Variants in FIP1L1 observed in about 807,000 individuals in gnomAD.
FIP1L1 encodes the protein pre-mRNA 3'-end-processing factor FIP1.
A neutral mutation model predicts 84.6 loss-of-function variants in FIP1L1; 21 were observed. That is an observed-to-expected ratio of 0.25 (90% CI 0.18 to 0.36). FIP1L1 has a LOEUF of 0.36. FIP1L1 is among the 10% of genes least tolerant of loss of function. The pLI is 1.00. For synonymous variants in FIP1L1, 263 were observed against 242.3 expected (o/e 1.09, Z -0.80); for missense variants, 526 against 751.1 (o/e 0.70, Z 3.50).
At chr4:53,445,334 G>A (rs531012722) in intron 15 of FIP1L1, among the ~76,000 whole-genome samples, 111 of 152,274 alleles carry the variant, frequency 7.3e-4, no homozygotes, top group South Asian at 3.5e-3. Context: ...ACAGCAATAA[G>A]AAGTTGTGGA....
chr4:53,395,677 C>T (rs1282208706), intron 9 of FIP1L1, among the ~76,000 whole-genome samples: 2 of 152,208 alleles, frequency 1.3e-5, no homozygotes, highest in East Asian at 3.9e-4. Context: ...TTATTGAGTA[C>T]TTATTGCATG....
intron 5 of FIP1L1, among the ~76,000 whole-genome samples, chr4:53,384,191 C>T (rs1258907701): frequency 6.6e-6 from 1 of 152,036 alleles, no homozygotes; most frequent in Non-Finnish European, 1.5e-5. Flanking sequence ...GGTGAATCAC[C>T]TGAGGTCAGG....
chr4:53,447,110 T>C (rs1255102726), intron 15 of FIP1L1, among the ~76,000 whole-genome samples: 1 of 152,108 alleles, frequency 6.6e-6, no homozygotes. Flanking sequence ...ATTTCTGTTT[T>C]ACCTTTGTTT....
chr4:53,443,374 T>C (rs549867548), intron 14 of FIP1L1, among the ~76,000 whole-genome samples: 1,109 of 34,470 alleles, frequency 0.032, 13 homozygotes, highest in African/African-American at 0.053. Flanking sequence ...GGCTACTGAA[T>C]ATAAAGTGCA....
chr4:53,432,787 G>C (rs1767355019), intron 13 of FIP1L1, among the ~76,000 whole-genome samples: 1 of 152,052 alleles, frequency 6.6e-6, no homozygotes, highest in Non-Finnish European at 1.5e-5. Context: ...TTGAAAGCCT[G>C]TTTTCTTTAT....
intron 5 of FIP1L1, among the ~76,000 whole-genome samples, chr4:53,389,026 A>G (rs1045016495): frequency 1.3e-5 from 2 of 152,232 alleles, no homozygotes; most frequent in African/African-American, 4.8e-5. Flanking sequence ...TCAAATATAT[A>G]CATTCATGTA....
At chr4:53,443,157 T>C (rs1173824973) in intron 14 of FIP1L1, among the ~76,000 whole-genome samples, 2 of 152,130 alleles carry the variant, frequency 1.3e-5, no homozygotes, top group South Asian at 2.1e-4. Context: ...AGATCCATTC[T>C]GTGTGGCAGT....
chr4:53,410,001 C>G (rs1279412067), intron 10 of FIP1L1, among the ~76,000 whole-genome samples: 2 of 152,250 alleles, frequency 1.3e-5, no homozygotes, highest in Non-Finnish European at 2.9e-5. Flanking sequence ...CACCCACTGT[C>G]CTGCGCCCAC....
intron 11 of FIP1L1, among the ~76,000 whole-genome samples, chr4:53,418,811 A>G (rs1209162424): frequency 1.3e-5 from 2 of 152,200 alleles, no homozygotes; most frequent in Non-Finnish European, 2.9e-5. Flanking sequence ...TATTTCTTCT[A>G]TTAAACACAA....
chr4:53,418,716 A>G (rs1229090753), intron 11 of FIP1L1, among the ~76,000 whole-genome samples: 1 of 152,210 alleles, frequency 6.6e-6, no homozygotes, highest in African/African-American at 2.4e-5. Context: ...CTATATTACA[A>G]TGCTTTTTAA....
intron 5 of FIP1L1, among the ~76,000 whole-genome samples, chr4:53,387,807 C>T (rs1321827222): frequency 6.6e-6 from 1 of 152,132 alleles, no homozygotes; most frequent in African/African-American, 2.4e-5. Flanking sequence ...AAATCATGTA[C>T]ATCATATGTA....
intron 10 of FIP1L1, among the ~76,000 whole-genome samples, chr4:53,408,579 C>G (rs1260780304): frequency 6.6e-6 from 1 of 152,164 alleles, no homozygotes; most frequent in African/African-American, 2.4e-5. Context: ...GGATAATATC[C>G]TGCAGAGTAT....
Position 53,453,106 on chromosome 4 carries a change from A to C in FIP1L1, c.1472A>C (p.His491Pro). The change falls in exon 16 of 18, where the codon CAC (histidine) becomes CCC (proline). Residue 491 changes from histidine (H) to proline (P), a missense_variant. Physicochemically the swap from His to Pro is moderately conservative, Grantham distance 77 (BLOSUM62 -2). This residue lies in a region of FIP1L1 where 89 missense variants were observed against 169.0 expected (regional missense o/e 0.53). Coordinates refer to ENST00000337488, the MANE Select transcript of FIP1L1 (RefSeq NM_030917.4). ...AGAGAGAGAGAGAGGGAGCGTGATCACAGTCCTACACCAAGTGTTTTCAAC... is the reference window on the plus strand; with the variant it reads ...AGAGAGAGAGAGAGGGAGCGTGATCCCAGTCCTACACCAAGTGTTTTCAAC... ...RTRERERERDHSPTPSVFNSD... is the reference protein window; with the variant it reads ...RTRERERERDPSPTPSVFNSD... 1 of 1,614,064 alleles carries C rather than the reference A, an allele frequency of 6.2e-7. No homozygotes were observed. The highest frequency in any genetic ancestry group is 8.5e-7 in the Non-Finnish European group (1 of 1,179,970).
intron 5 of FIP1L1, among the ~76,000 whole-genome samples, chr4:53,388,020 A>G (rs1438507572): frequency 2.0e-5 from 3 of 152,244 alleles, no homozygotes; most frequent in Non-Finnish European, 4.4e-5. Flanking sequence ...ACTGCTTGAC[A>G]GTAGTAATAT....
intron 16 of FIP1L1, among the ~76,000 whole-genome samples, chr4:53,455,234 A>T (rs568672929): frequency 6.6e-6 from 1 of 152,070 alleles, no homozygotes; most frequent in South Asian, 2.1e-4. Flanking sequence ...TTAACCATTC[A>T]TGTGTTCACT....
At chr4:53,391,726 C>T (rs1369350061) in intron 9 of FIP1L1, among the ~76,000 whole-genome samples, 3 of 152,070 alleles carry the variant, frequency 2.0e-5, no homozygotes. Flanking sequence ...CTATTGTTTG[C>T]TATATGTTGT....
At chr4:53,393,762 CG>C (rs1745620488) in intron 9 of FIP1L1, among the ~76,000 whole-genome samples, 4 of 21,272 alleles carry the variant, frequency 1.9e-4, no homozygotes, top group Non-Finnish European at 4.6e-4. Context: ...ATTTTCCCCC[CG>C]GCCCCCCCCC....
intron 10 of FIP1L1, among the ~76,000 whole-genome samples, chr4:53,401,653 C>A (rs1201753490): frequency 6.6e-6 from 1 of 152,118 alleles, no homozygotes; most frequent in East Asian, 1.9e-4. Flanking sequence ...AAGGATGAAT[C>A]CAAGGTTTTT....
intron 11 of FIP1L1, among the ~76,000 whole-genome samples, chr4:53,425,466 T>TG (rs1473696356): frequency 2.0e-5 from 3 of 152,064 alleles, no homozygotes; most frequent in East Asian, 3.8e-4. Context: ...CAGGCCTTTT[T>TG]GGGGAATATT....
Sources: gnomAD v4.1 joint callset for allele counts (sites outside exome capture counted in the v4.1 genomes callset) on GRCh38, gnomAD v4.1.1 for gene constraint, gnomAD v4.1.1 regional missense constraint, MANE v1.5 for transcripts, NCBI Gene and HGNC (gene_info 2026-07-23, HGNC 2026-07-21) for gene names.